GABRG3: variants seen among roughly 807,000 people sequenced by gnomAD.
GABRG3 encodes gamma-aminobutyric acid receptor subunit gamma-3.
In GABRG3, 25 loss-of-function variants were observed where a neutral mutation model predicts 48.8. The observed-to-expected ratio is 0.51, with a 90% CI of 0.37 to 0.72. GABRG3 has a LOEUF of 0.72. GABRG3 is among the 30% of genes least tolerant of loss of function. The pLI is 0.00. For synonymous variants in GABRG3, 227 were observed against 217.6 expected, an observed-to-expected ratio of 1.04 and a Z score of -0.38; for missense variants, 394 against 577.9, an observed-to-expected ratio of 0.68 and a Z score of 3.26.
intron 3 of GABRG3, among the ~76,000 whole-genome samples, chr15:27,093,264 G>A (rs1188683603): frequency 6.6e-6 from 1 of 152,168 alleles, no homozygotes; most frequent in African/African-American, 2.4e-5. Context: ...CAGCCAGGCT[G>A]ACTCAGGCTC....
At chr15:27,009,629 T>A (rs1895648842) in intron 2 of GABRG3, among the ~76,000 whole-genome samples, 1 of 152,212 alleles carries the variant, frequency 6.6e-6, no homozygotes, top group African/African-American at 2.4e-5. Context: ...TAACAATGCC[T>A]ACATTAGGAC....
chr15:27,520,740 GTTTTGATT>G (rs1297173922), intron 7 of GABRG3, among the ~76,000 whole-genome samples: 1 of 149,898 alleles, frequency 6.7e-6, no homozygotes, highest in East Asian at 2.0e-4. Context: ...AACTTTCAAT[GTTTTGATT>G]TTTTGAAGGC....
At chr15:27,510,715 A>T (rs1357808128) in intron 6 of GABRG3, among the ~76,000 whole-genome samples, 2 of 152,218 alleles carry the variant, frequency 1.3e-5, no homozygotes, top group Non-Finnish European at 2.9e-5. Flanking sequence ...CCAGCACCTC[A>T]TATGTAGACA....
chr15:27,270,722 A>G (rs1222797570), intron 3 of GABRG3, among the ~76,000 whole-genome samples: 2 of 152,200 alleles, frequency 1.3e-5, no homozygotes, highest in Non-Finnish European at 2.9e-5. Context: ...AGTGTTAGAG[A>G]TGTAACTCTA....
At chr15:27,111,870 G>A (rs1897555524) in intron 3 of GABRG3, among the ~76,000 whole-genome samples, 1 of 152,114 alleles carries the variant, frequency 6.6e-6, no homozygotes, top group South Asian at 2.1e-4. Flanking sequence ...AGGGTGGGAT[G>A]GATTTTCACA....
intron 5 of GABRG3, among the ~76,000 whole-genome samples, chr15:27,419,662 T>A (rs1888051009): frequency 1.3e-5 from 2 of 152,266 alleles, no homozygotes; most frequent in Admixed American, 1.3e-4. Context: ...CACTTAAACA[T>A]AAAGATGGCC....
chr15:27,219,009 G>A (rs1263660128), intron 3 of GABRG3, among the ~76,000 whole-genome samples: 3 of 152,104 alleles, frequency 2.0e-5, no homozygotes, highest in Non-Finnish European at 4.4e-5. Context: ...GGTCTGGGAG[G>A]GCAAGCATTC....
chr15:27,002,276 C>T (rs1413403710), intron 2 of GABRG3, among the ~76,000 whole-genome samples: 1 of 152,164 alleles, frequency 6.6e-6, no homozygotes, highest in African/African-American at 2.4e-5. Context: ...CACTGGCCCA[C>T]AGGGGGATTT....
intron 3 of GABRG3, among the ~76,000 whole-genome samples, chr15:27,269,096 C>G (rs1891005492): frequency 6.6e-6 from 1 of 152,138 alleles, no homozygotes; most frequent in East Asian, 1.9e-4. Context: ...TGAATCACAT[C>G]CTTCACTTCT....
intron 3 of GABRG3, among the ~76,000 whole-genome samples, chr15:27,256,217 C>T (rs185937784): frequency 1.9e-4 from 29 of 151,780 alleles, no homozygotes; most frequent in East Asian, 1.8e-3. Flanking sequence ...CCGAGGCGGG[C>T]GGATCAGGAG....
At chr15:27,229,565 C>T (rs993206935) in intron 3 of GABRG3, among the ~76,000 whole-genome samples, 2 of 151,950 alleles carry the variant, frequency 1.3e-5, no homozygotes, top group African/African-American at 4.8e-5. Context: ...CAACTTCTAC[C>T]TCCCGGGTTC....
chr15:27,160,664 T>G (rs1250141298), intron 3 of GABRG3, among the ~76,000 whole-genome samples: 1 of 152,008 alleles, frequency 6.6e-6, no homozygotes, highest in African/African-American at 2.4e-5. Flanking sequence ...CCAGTAACTT[T>G]TTTTTTTTCT....
chr15:27,454,300 T>C (rs913563650), intron 5 of GABRG3, among the ~76,000 whole-genome samples: 2 of 152,206 alleles, frequency 1.3e-5, no homozygotes, highest in African/African-American at 4.8e-5. Context: ...TCCCTCTGCC[T>C]GCACAGAAAT....
At chr15:27,421,014 A>G (rs1294324084) in intron 5 of GABRG3, among the ~76,000 whole-genome samples, 2 of 152,218 alleles carry the variant, frequency 1.3e-5, no homozygotes, top group Non-Finnish European at 2.9e-5. Flanking sequence ...AAACTCTTAA[A>G]TTTTGTGGAA....
At chr15:27,034,357 C>T (rs1235718333) in intron 3 of GABRG3, among the ~76,000 whole-genome samples, 3 of 151,986 alleles carry the variant, frequency 2.0e-5, no homozygotes, top group South Asian at 4.2e-4. Flanking sequence ...CCCATGGCCA[C>T]GTGGTCAGTG....
intron 3 of GABRG3, among the ~76,000 whole-genome samples, chr15:27,146,158 C>T (rs186592737): frequency 5.3e-5 from 8 of 152,222 alleles, no homozygotes; most frequent in South Asian, 2.1e-4. Context: ...CTCAAATCTA[C>T]GTTAAGAAAT....
chr15:27,227,867 A>G (rs74553182), intron 3 of GABRG3, among the ~76,000 whole-genome samples: 1 of 152,208 alleles, frequency 6.6e-6, no homozygotes, highest in Non-Finnish European at 1.5e-5. Flanking sequence ...GTTTTTCTTC[A>G]TCATCTTGAT....
chr15:27,149,378 G>A (rs1023607207), intron 3 of GABRG3, among the ~76,000 whole-genome samples: 3 of 152,126 alleles, frequency 2.0e-5, no homozygotes, highest in African/African-American at 7.2e-5. Context: ...TTCATGGATT[G>A]GAAGACTTAA....
intron 5 of GABRG3, among the ~76,000 whole-genome samples, chr15:27,400,890 A>T (rs4303438): frequency 1.3e-5 from 2 of 152,158 alleles, no homozygotes; most frequent in Non-Finnish European, 2.9e-5. Flanking sequence ...TGGCTCACAC[A>T]ACTACAGAAT....
Sources: allele counts gnomAD v4.1 joint callset (sites outside exome capture counted in the v4.1 genomes callset), GRCh38; gene constraint gnomAD v4.1.1; transcripts MANE v1.5; gene names NCBI Gene and HGNC (gene_info 2026-07-23, HGNC 2026-07-21).